The following MTMR2 variants were observed in gnomAD, a reference collection of about 807,000 sequenced individuals.
MTMR2 encodes phosphatidylinositol-3,5-bisphosphate 3-phosphatase MTMR2.
In MTMR2, 55 loss-of-function variants were observed where a neutral mutation model predicts 86.9. The observed-to-expected ratio is 0.63, with a 90% CI of 0.51 to 0.79. The LOEUF (loss-of-function observed/expected upper bound fraction) is 0.79, where lower values mean the gene tolerates loss of function less well. Among genes scored for constraint, MTMR2 ranks in the 30% least tolerant of loss-of-function variants. The pLI is 0.00. For missense variants in MTMR2, 659 were observed against 772.3 expected, an observed-to-expected ratio of 0.85 and a Z score of 1.74; for synonymous variants, 241 against 266.8, an observed-to-expected ratio of 0.90 and a Z score of 0.94.
chr11:95,847,000 C>T (rs1863820482), intron 10 of MTMR2, among the ~76,000 whole-genome samples: 1 of 152,104 alleles, frequency 6.6e-6, no homozygotes. Flanking sequence ...TTCCCATTAC[C>T]TCTTAATATT....
chr11:95,892,533 G>A (rs1865749109), intron 1 of MTMR2, among the ~76,000 whole-genome samples: 1 of 152,168 alleles, frequency 6.6e-6, no homozygotes, highest in Admixed American at 6.5e-5. Context: ...ACTTGAAGTA[G>A]AAACTGCAGT....
chr11:95,848,503 G>A (rs1010630375), intron 9 of MTMR2, among the ~76,000 whole-genome samples: 1 of 152,106 alleles, frequency 6.6e-6, no homozygotes, highest in Non-Finnish European at 1.5e-5. Flanking sequence ...CTACAAAATA[G>A]AATGAGAAAA....
intron 7 of MTMR2, among the ~76,000 whole-genome samples, chr11:95,853,513 T>C (rs1864099509): frequency 6.6e-6 from 1 of 152,186 alleles, no homozygotes; most frequent in Admixed American, 6.5e-5. Context: ...TTACCAGACT[T>C]AGCAAAGCCC....
intron 1 of MTMR2, among the ~76,000 whole-genome samples, chr11:95,916,468 A>C (rs1866711830): frequency 6.6e-6 from 1 of 152,156 alleles, no homozygotes. Flanking sequence ...AGTTCCAACA[A>C]TAATTTTGGT....
chr11:95,888,590 C>T (rs1565374535), intron 1 of MTMR2, among the ~76,000 whole-genome samples: 1 of 152,082 alleles, frequency 6.6e-6, no homozygotes, highest in Non-Finnish European at 1.5e-5. Context: ...ACCACTACAC[C>T]AGGCACTGTG....
At chr11:95,847,316 G>A (rs750638812) in intron 10 of MTMR2, among the ~76,000 whole-genome samples, 54 of 152,142 alleles carry the variant, frequency 3.5e-4, no homozygotes, top group Non-Finnish European at 7.2e-4. Flanking sequence ...CCATAAATTA[G>A]CAATATACGT....
chr11:95,868,661 C>T (rs1864730143), intron 2 of MTMR2, among the ~76,000 whole-genome samples: 2 of 151,652 alleles, frequency 1.3e-5, no homozygotes, highest in Non-Finnish European at 2.9e-5. Context: ...TTACCATGTT[C>T]CACCCAAAAT....
chr11:95,871,237 C>A (rs1242482054), intron 2 of MTMR2, among the ~76,000 whole-genome samples: 1 of 152,016 alleles, frequency 6.6e-6, no homozygotes, highest in Admixed American at 6.6e-5. Context: ...ATTTATAATC[C>A]CTTGGGTATA....
chr11:95,836,660 C>T (rs1163777875), intron 13 of MTMR2, among the ~76,000 whole-genome samples: 14 of 151,628 alleles, frequency 9.2e-5, no homozygotes, highest in African/African-American at 1.9e-4. Flanking sequence ...CATCAACTGA[C>T]GAATGGATAA....
intron 1 of MTMR2, among the ~76,000 whole-genome samples, chr11:95,901,929 T>C (rs1283158031): frequency 6.6e-6 from 1 of 152,168 alleles, no homozygotes; most frequent in Non-Finnish European, 1.5e-5. Context: ...AAACAAGGAA[T>C]GCATTCCACA....
At chr11:95,901,789 A>G (rs568669319) in intron 1 of MTMR2, among the ~76,000 whole-genome samples, 3 of 152,340 alleles carry the variant, frequency 2.0e-5, no homozygotes, top group East Asian at 1.9e-4. Context: ...GTTGAGACCA[A>G]TAAGGGAATG....
chr11:95,877,363 T>TTTTTTTTA (rs869076328), intron 2 of MTMR2, among the ~76,000 whole-genome samples: 1 of 142,692 alleles, frequency 7.0e-6, no homozygotes, highest in African/African-American at 2.7e-5. Flanking sequence ...TTTTTTTTTT[T>TTTTTTTTA]ATATAACACA....
intron 2 of MTMR2, among the ~76,000 whole-genome samples, chr11:95,884,627 G>A (rs1025460298): frequency 6.6e-6 from 1 of 152,150 alleles, no homozygotes; most frequent in Non-Finnish European, 1.5e-5. Flanking sequence ...AGTCATGTAC[G>A]AATATCTATC....
At position 95,839,888 on chromosome 11, in the gene MTMR2, T is replaced by C. The variant is rs189357277; in HGVS notation, c.1480-1681A>G. 1.9e-4 allele frequency: 29 copies of C among 152,340 alleles called. No homozygotes were observed. The East Asian group carries it at 4.6e-3, about 24-fold the overall frequency. The allele number at this position is 152,340 out of a possible 1,614,324, so 9.4% of individuals were successfully genotyped here. On this transcript the variant is annotated intron_variant, in intron 12 of 14. Transcript: ENST00000346299. ...AAATAAAGATGGCTACAAAGTATTT[T>C]AGGTTCTATCAAAAATACAGATTTA...
chr11:95,842,451 G>C (rs1285920950), intron 11 of MTMR2, among the ~76,000 whole-genome samples: 2 of 152,148 alleles, frequency 1.3e-5, no homozygotes, highest in Non-Finnish European at 2.9e-5. Flanking sequence ...TCTTCATCAG[G>C]AGGAACCATA....
rs542941672 is a variant in MTMR2 at position 95,851,531 on chromosome 11, T to C, written c.655-782A>G. 9.2e-5 allele frequency among the ~76,000 whole-genome samples: 14 copies of C among 152,192 alleles called. No homozygotes were observed. The South Asian group carries it at 1.0e-3, about 11-fold the overall frequency. On this transcript the variant is annotated intron_variant, in intron 7 of 14. Coordinates refer to ENST00000346299, the MANE Select transcript of MTMR2 (RefSeq NM_016156.6). ...GCATGCGCCACCATGCCCGGCTAAT[T>C]TTGTATTTTTAGTAGAGACAAGGTT...
Position 95,835,041 on chromosome 11 carries a change from T to C in MTMR2, c.*249A>G, listed in dbSNP as rs1197612560. On this transcript the variant is annotated 3_prime_UTR_variant, in exon 15 of 15. Transcript: ENST00000346299. ...ACTTGTTCCCACTGTGAATCCAGGA[T>C]TGAAGTATTTTAATATTCTTTGGAT... The C allele has an allele frequency of 4.2e-6, 2 of 476,154 alleles. No homozygotes were observed. The highest frequency in any genetic ancestry group is 7.7e-6 in the Non-Finnish European group (2 of 261,066). The allele number at this position is 476,154 out of a possible 1,614,324, so 29.5% of individuals were successfully genotyped here.
At chr11:95,907,866 A>G in intron 1 of MTMR2, 1 of 446,334 alleles carries the variant, frequency 2.2e-6, no homozygotes, top group Non-Finnish European at 4.5e-6. Flanking sequence ...ACATACCTCA[A>G]AATAGTGAGA....
chr11:95,876,313 C>G (rs574912334), intron 2 of MTMR2, among the ~76,000 whole-genome samples: 4 of 152,334 alleles, frequency 2.6e-5, no homozygotes, highest in Admixed American at 6.5e-5. Flanking sequence ...CAAAGCCACT[C>G]TGGTCCATTA....
Sources: allele counts gnomAD v4.1 joint callset (sites outside exome capture counted in the v4.1 genomes callset), GRCh38; gene constraint gnomAD v4.1.1; transcripts MANE v1.5; gene names NCBI Gene and HGNC (gene_info 2026-07-23, HGNC 2026-07-21).